CD27: variants seen among roughly 807,000 people sequenced by gnomAD.
CD27 encodes CD27 antigen.
A neutral mutation model predicts 25.9 loss-of-function variants in CD27; 16 were observed. The observed-to-expected ratio is 0.62, with a 90% CI of 0.42 to 0.94. The LOEUF (loss-of-function observed/expected upper bound fraction) is 0.94, where lower values mean the gene tolerates loss of function less well. CD27 is among the 40% of genes least tolerant of loss of function. CD27 has a pLI of 0.00. For missense variants in CD27, 300 were observed against 333.2 expected (o/e 0.90, Z 0.78); for synonymous variants, 142 against 124.3 (o/e 1.14, Z -0.95).
At chr12:6,446,061 GT>G (rs1003429706) in intron 2 of CD27, among the ~76,000 whole-genome samples, 2 of 151,914 alleles carry the variant, frequency 1.3e-5, no homozygotes, top group Non-Finnish European at 2.9e-5. Context: ...AAAAAAAAAG[GT>G]TTTTTTTAAA....
In CD27 at chr12:6,445,448, A is replaced by G; in HGVS notation, c.161A>G (p.Asp54Gly). The G allele has an allele frequency of 1.2e-6, 2 of 1,614,186 alleles. No individual in the cohort carries two copies. The highest frequency in any genetic ancestry group is 1.7e-6 in the Non-Finnish European group (2 of 1,180,034). Residue 54 changes from aspartate (D) to glycine (G), a missense_variant, in exon 2 of 6, where the codon GAC (aspartate) becomes GGC (glycine). Coordinates refer to ENST00000266557, the MANE Select transcript of CD27 (RefSeq NM_001242.5). The surrounding 1 kb of genome is among the most constrained non-coding windows in gnomAD (Gnocchi z 4.5). ...GGAACATTCCTCGTGAAGGACTGTGACCAGCATAGAAAGGCTGCTCAGTGT... is the reference window on the plus strand; with the variant it reads ...GGAACATTCCTCGTGAAGGACTGTGGCCAGCATAGAAAGGCTGCTCAGTGT... Reference protein sequence around the residue: ...EPGTFLVKDCDQHRKAAQCDP... With the variant: ...EPGTFLVKDCGQHRKAAQCDP...
rs1949525928 is a variant in CD27 at position 6,450,819 on chromosome 12, G to A, written c.539-76G>A. On this transcript the variant is annotated intron_variant, in intron 4 of 5. Coordinates refer to ENST00000266557, the MANE Select transcript of CD27 (RefSeq NM_001242.5). This position sits in a 1 kb window ranked among gnomAD's most constrained non-coding sequence, Gnocchi z 4.1. ...AAGGTGGGGGAAAGGGGAGAGGCAAGGTGACAGGAGGGCTGGGCTGAGGGA... is the reference window on the plus strand; with the variant it reads ...AAGGTGGGGGAAAGGGGAGAGGCAAAGTGACAGGAGGGCTGGGCTGAGGGA... 6.3e-7 allele frequency: 1 copy of A among 1,592,052 alleles called. No individual in the cohort carries two copies. Among genetic ancestry groups the A allele is most frequent in the Non-Finnish European group, 8.6e-7 (1 of 1,163,536 alleles).
In CD27 at chr12:6,445,016, C is replaced by T. The variant is rs541183712; in HGVS notation, c.-80C>T. On this transcript the variant is annotated 5_prime_UTR_variant, in exon 1 of 6. Coordinates refer to ENST00000266557, the MANE Select transcript of CD27 (RefSeq NM_001242.5). The surrounding 1 kb of genome is among the most constrained non-coding windows in gnomAD (Gnocchi z 4.5). ...CCCAGGGGGTGCAAAGAAGAGACAG[C>T]AGCGCCCAGCTTGGAGGTGCTAACT... is the stretch of plus-strand genomic sequence containing the variant. 400 of 1,441,116 alleles carry T rather than the reference C, an allele frequency of 2.8e-4. 9 individuals carry two copies. The South Asian group carries it at 5.2e-3, about 19-fold the overall frequency. 89.3% of individuals were successfully genotyped at this position (1,441,116 alleles called of 1,614,324 possible). A position where few individuals can be genotyped will look rare whatever the true frequency, so the allele number is the denominator to read the frequency against.
rs754484328 is a variant in CD27 at position 6,450,975 on chromosome 12, G to A, written c.619G>A (p.Gly207Arg). Reference protein sequence around the residue: ...SGMFLVFTLAGALFLHQRRKY... With the variant: ...SGMFLVFTLARALFLHQRRKY... The stretch of plus-strand genomic sequence containing the variant: ...AATGTTCCTTGTTTTCACCCTGGCC[G>A]GGGCCCTGTTCCTCCATCAACGAAG... The change falls in exon 5 of 6, where the codon GGG (glycine) becomes AGG (arginine). Residue 207 changes from glycine (G) to arginine (R), a missense_variant. Coordinates refer to ENST00000266557, the MANE Select transcript of CD27 (RefSeq NM_001242.5). The surrounding 1 kb of genome is among the most constrained non-coding windows in gnomAD (Gnocchi z 4.1). The A allele has an allele frequency of 3.7e-6, 6 of 1,614,012 alleles. No individual in the cohort carries two copies. The highest frequency in any genetic ancestry group is 4.5e-5 in the East Asian group (2 of 44,866).
intron 2 of CD27, among the ~76,000 whole-genome samples, chr12:6,449,185 C>T (rs1378014371): frequency 6.6e-6 from 1 of 151,856 alleles, no homozygotes; most frequent in Non-Finnish European, 1.5e-5. Flanking sequence ...TTTGTAGAGA[C>T]GGGGTTTCAC....
chr12:6,446,105 G>A (rs1042310240), intron 2 of CD27, among the ~76,000 whole-genome samples: 26 of 152,084 alleles, frequency 1.7e-4, no homozygotes, highest in African/African-American at 4.3e-4. Flanking sequence ...TTGTGCTTAT[G>A]AATGCTGTTA....
chr12:6,444,252 G>A (rs1051055908), upstream of CD27, among the ~76,000 whole-genome samples: 1 of 151,056 alleles, frequency 6.6e-6, no homozygotes, highest in African/African-American at 2.4e-5. Context: ...ATAGGTGATC[G>A]GTCAGAGTGT....
At chr12:6,447,761 C>T (rs1949440488) in intron 2 of CD27, 1 of 152,006 alleles carries the variant, frequency 6.6e-6, no homozygotes, top group African/African-American at 2.4e-5. Context: ...TTAGGTATAT[C>T]TCCTAATGCT....
intron 2 of CD27, among the ~76,000 whole-genome samples, chr12:6,449,315 C>CTTT (rs549905322): frequency 0.034 from 4,261 of 123,648 alleles, 377 homozygotes; most frequent in African/African-American, 0.12. Context: ...TCTTTCTTTT[C>CTTT]TTTTTTTTTT....
At chr12:6,451,067 G>A (rs1179465672) in intron 5 of CD27, 53 bp downstream of exon 5, 1 of 1,610,970 alleles carries the variant, frequency 6.2e-7, no homozygotes, top group Non-Finnish European at 8.5e-7. Flanking sequence ...CACCCCACTG[G>A]CTCAACCCCA....
Position 6,445,372 on chromosome 12 carries a change from G to C in CD27, c.137-52G>C. The C allele has an allele frequency of 6.2e-7, 1 of 1,612,350 alleles. No homozygotes were observed. Among genetic ancestry groups the C allele is most frequent in the Non-Finnish European group, 8.5e-7 (1 of 1,178,764 alleles). On this transcript the variant is annotated intron_variant, in intron 1 of 5. Transcript: ENST00000266557. The surrounding 1 kb of genome is among the most constrained non-coding windows in gnomAD (Gnocchi z 4.5). Reference sequence around the variant, plus strand: ...CTGTGGGGAGGCACCACCTTGAAGAGGGCAGAGAACCAGCCCTTCTCAGGC... The same window carrying C: ...CTGTGGGGAGGCACCACCTTGAAGACGGCAGAGAACCAGCCCTTCTCAGGC...
At chr12:6,446,771 C>T (rs1203999920) in intron 2 of CD27, among the ~76,000 whole-genome samples, 4 of 119,720 alleles carry the variant, frequency 3.3e-5, no homozygotes, top group African/African-American at 6.5e-5. Context: ...GAGCAAAACC[C>T]TTTTTCACAC....
intron 2 of CD27, among the ~76,000 whole-genome samples, chr12:6,449,694 C>CA (rs1240946436): frequency 6.6e-6 from 1 of 151,374 alleles, no homozygotes; most frequent in Non-Finnish European, 1.5e-5. Flanking sequence ...ACTAAAAATA[C>CA]AAAAAATTAG....
In CD27 at chr12:6,445,764, G is replaced by A. The variant is rs778999974; in HGVS notation, c.268+209G>A. 1.3e-5 allele frequency among the ~76,000 whole-genome samples: 2 copies of A among 152,170 alleles called. No homozygotes were observed. Among genetic ancestry groups the A allele is most frequent in the Non-Finnish European group, 2.9e-5 (2 of 68,020 alleles). On this transcript the variant is annotated intron_variant, in intron 2 of 5. Transcript: ENST00000266557. This position sits in a 1 kb window ranked among gnomAD's most constrained non-coding sequence, Gnocchi z 4.5. ...GGCAGACATCTAGTATTCCAGGAAA[G>A]GGATAAATAGAATTTGAGGGATTGG...
At chr12:6,448,551 G>C (rs1023562758) in intron 2 of CD27, 2 of 152,242 alleles carry the variant, frequency 1.3e-5, no homozygotes, top group Admixed American at 6.5e-5. Context: ...GGATCACGAG[G>C]TCAGGAGATT....
chr12:6,443,957 A>C (rs534703338), upstream of CD27, among the ~76,000 whole-genome samples: 2 of 152,326 alleles, frequency 1.3e-5, no homozygotes, highest in East Asian at 3.9e-4. Flanking sequence ...AAGAGGGAAA[A>C]GTCTAGCTGT....
chr12:6,451,493 T>A lies in CD27; in HGVS notation c.*101T>A. The A allele has an allele frequency of 7.8e-7, 1 of 1,283,324 alleles. No homozygotes were observed. The highest frequency in any genetic ancestry group is 1.1e-6 in the Non-Finnish European group (1 of 926,980). 79.5% of individuals were successfully genotyped at this position (1,283,324 alleles called of 1,614,324 possible). A position where few individuals can be genotyped will look rare whatever the true frequency, so the allele number is the denominator to read the frequency against. On this transcript the variant is annotated 3_prime_UTR_variant, in exon 6 of 6. Transcript: ENST00000266557. ...CCTGGCAGCCACAACTGCAGTCCCATCCTCTTGTCAGGGCCCTTTCCTGTG... is the reference window on the plus strand; with the variant it reads ...CCTGGCAGCCACAACTGCAGTCCCAACCTCTTGTCAGGGCCCTTTCCTGTG...
chr12:6,451,227 C>A, intron 5 of CD27, 41 bp from the exon 6 acceptor site: 1 of 1,604,746 alleles, frequency 6.2e-7, no homozygotes, highest in Non-Finnish European at 8.5e-7. Context: ...TCTCCCCCTG[C>A]CCCCACTGCT....
upstream of CD27, chr12:6,444,923 G>GA (rs566004743): frequency 0.046 from 23,709 of 517,442 alleles, no homozygotes; most frequent in South Asian, 0.058. Context: ...CTATGAGAGA[G>GA]AAAAAAAAAA....
Sources: gnomAD v4.1 joint callset for allele counts (sites outside exome capture counted in the v4.1 genomes callset) on GRCh38, gnomAD v4.1.1 for gene constraint, Gnocchi (gnomAD v3.1) non-coding constraint, MANE v1.5 for transcripts, NCBI Gene and HGNC (gene_info 2026-07-23, HGNC 2026-07-21) for gene names.